ZNF143: variants seen among roughly 807,000 people sequenced by gnomAD.
The protein encoded by ZNF143 is zinc finger protein 143, also known as SPH-binding factor.
Under a neutral mutation model 74.1 loss-of-function variants are expected in ZNF143, and 49 were observed. That is an observed-to-expected ratio of 0.66 (90% CI 0.53 to 0.84). The LOEUF (loss-of-function observed/expected upper bound fraction) is 0.84, where lower values mean the gene tolerates loss of function less well. Among genes scored for constraint, ZNF143 ranks in the 40% least tolerant of loss-of-function variants. ZNF143 has a pLI of 0.00. For synonymous variants in ZNF143, 304 were observed against 282.8 expected, an observed-to-expected ratio of 1.07 and a Z score of -0.75; for missense variants, 637 against 793.4, an observed-to-expected ratio of 0.80 and a Z score of 2.37.
At chr11:9,486,445 T>TATTATATATATAATATATTA (rs374989379) in intron 7 of ZNF143, among the ~76,000 whole-genome samples, 1 of 35,468 alleles carries the variant, frequency 2.8e-5, no homozygotes, top group Non-Finnish European at 6.6e-5. Context: ...ATATAATATA[T>TATTATATATATAATATATTA]TATATATATT....
At chr11:9,476,175 T>G (rs1276447004) in intron 5 of ZNF143, among the ~76,000 whole-genome samples, 2 of 151,996 alleles carry the variant, frequency 1.3e-5, no homozygotes, top group East Asian at 1.9e-4. Flanking sequence ...TGTGTGACAT[T>G]AAGCAGATTA....
rs1589922979 is a variant in ZNF143 at position 9,504,452 on chromosome 11, G to T, written c.1147+3182G>T. Among the ~76,000 whole-genome samples the T allele has an allele frequency of 1.6e-5, 2 of 125,862 alleles. 1 individual carries two copies. Among genetic ancestry groups the T allele is most frequent in the South Asian group, 5.3e-4 (2 of 3,784 alleles). The allele number at this position is 125,862 out of a possible 152,430, so 82.6% of individuals were successfully genotyped here. On this transcript the variant is annotated intron_variant, in intron 11 of 15. Coordinates refer to ENST00000396602, the MANE Select transcript of ZNF143 (RefSeq NM_003442.6). ...GATATTTTCTTCCATTCTGTGGCTG[G>T]TTTTTTAATTCTCTTAATGATATTT...
chr11:9,464,613 A>C (rs1315879826), intron 1 of ZNF143, among the ~76,000 whole-genome samples: 2 of 151,342 alleles, frequency 1.3e-5, no homozygotes, highest in Non-Finnish European at 2.9e-5. Flanking sequence ...TCAATCAATC[A>C]ATCAATCAAT....
chr11:9,486,565 T>G (rs998316637), intron 7 of ZNF143, among the ~76,000 whole-genome samples: 5 of 137,562 alleles, frequency 3.6e-5, no homozygotes, highest in Admixed American at 2.4e-4. Flanking sequence ...TTCCTTTTTC[T>G]GTGTGTTTTA....
Position 9,527,815 on chromosome 11 carries a change from T to A in ZNF143, c.*202T>A. 1 of 502,394 alleles carries A rather than the reference T, an allele frequency of 2.0e-6. No individual in the cohort carries two copies. Among genetic ancestry groups the A allele is most frequent in the Non-Finnish European group, 3.5e-6 (1 of 283,442 alleles). The allele number at this position is 502,394 out of a possible 1,614,324, so 31.1% of individuals were successfully genotyped here. ...AATAGATTCTCAGAGTGATTCATTG[T>A]GTACAAGGAAGTATGAAATTAGGGC... On this transcript the variant is annotated 3_prime_UTR_variant, in exon 16 of 16. Transcript: ENST00000396602.
chr11:9,525,206 C>T (rs756388211), intron 14 of ZNF143, 34 bp from the exon 15 acceptor site: 1 of 1,612,772 alleles, frequency 6.2e-7, no homozygotes, highest in African/African-American at 1.3e-5. Context: ...AGGTTTAATT[C>T]TTTATGTGTA....
At chr11:9,490,923 G>A (rs1200140602) in intron 7 of ZNF143, among the ~76,000 whole-genome samples, 2 of 152,022 alleles carry the variant, frequency 1.3e-5, no homozygotes. Flanking sequence ...GCAGAGATGG[G>A]GTTCCCCCCA....
At chr11:9,522,809 A>T (rs1229729176) in intron 14 of ZNF143, among the ~76,000 whole-genome samples, 1 of 147,258 alleles carries the variant, frequency 6.8e-6, no homozygotes, top group Non-Finnish European at 1.5e-5. Context: ...GGGGTTTTTA[A>T]CAATCTTTCT....
At chr11:9,514,122 T>C (rs1848645067) in intron 13 of ZNF143, among the ~76,000 whole-genome samples, 1 of 152,144 alleles carries the variant, frequency 6.6e-6, no homozygotes, top group Non-Finnish European at 1.5e-5. Context: ...GGTCTTGAAC[T>C]CCTGGCCTCA....
chr11:9,485,417 G>A (rs1274029795), intron 7 of ZNF143, among the ~76,000 whole-genome samples: 1 of 129,956 alleles, frequency 7.7e-6, no homozygotes, highest in Admixed American at 9.1e-5. Flanking sequence ...GCACAATCTT[G>A]GCTCATTGCA....
chr11:9,508,929 T>G (rs777171490), intron 12 of ZNF143, 83 bp downstream of exon 12: 4 of 1,386,478 alleles, frequency 2.9e-6, no homozygotes, highest in Non-Finnish European at 4.0e-6. Flanking sequence ...TAGCATTTTC[T>G]GAAATCCTAA....
At chr11:9,499,359 A>T (rs1385759516) in intron 10 of ZNF143, among the ~76,000 whole-genome samples, 1 of 152,198 alleles carries the variant, frequency 6.6e-6, no homozygotes, top group Non-Finnish European at 1.5e-5. Flanking sequence ...GGTCATCTAG[A>T]TCCAAGAGAA....
intron 10 of ZNF143, among the ~76,000 whole-genome samples, chr11:9,498,075 C>A: frequency 6.6e-6 from 1 of 152,176 alleles, no homozygotes; most frequent in Non-Finnish European, 1.5e-5. Flanking sequence ...CGTGATCCGC[C>A]CGCCTCTGCC....
At position 9,474,653 on chromosome 11, in the gene ZNF143, A is replaced by G. The variant is rs1565026574; in HGVS notation, c.373+20A>G. ...CCAAAGGTAAAATAACTTTGAAAGTATGAATAAAATAAGGGAGAAGTGGGA... is the reference window on the plus strand; with the variant it reads ...CCAAAGGTAAAATAACTTTGAAAGTGTGAATAAAATAAGGGAGAAGTGGGA... On this transcript the variant is annotated intron_variant, in intron 5 of 15. Coordinates refer to ENST00000396602, the MANE Select transcript of ZNF143 (RefSeq NM_003442.6). The G allele has an allele frequency of 1.2e-6, 2 of 1,610,108 alleles. No individual in the cohort carries two copies. Among genetic ancestry groups the G allele is most frequent in the Non-Finnish European group, 8.5e-7 (1 of 1,176,388 alleles).
intron 13 of ZNF143, among the ~76,000 whole-genome samples, chr11:9,513,168 T>C (rs1185092337): frequency 1.3e-5 from 2 of 152,224 alleles, no homozygotes; most frequent in Non-Finnish European, 2.9e-5. Flanking sequence ...ATTTTTAAGC[T>C]CTAGCAAAGA....
chr11:9,494,161 C>G (rs777093956), intron 7 of ZNF143, among the ~76,000 whole-genome samples: 1 of 152,176 alleles, frequency 6.6e-6, no homozygotes, highest in African/African-American at 2.4e-5. Flanking sequence ...GAGTCACTGA[C>G]TTCAACCATG....
chr11:9,471,273 G>A (rs1472065392), intron 1 of ZNF143, 29 bp from the exon 2 acceptor site: 1 of 1,536,542 alleles, frequency 6.5e-7, no homozygotes, highest in Admixed American at 1.9e-5. Flanking sequence ...ATCATTCTTT[G>A]TTCCCAAGTG....
intron 10 of ZNF143, among the ~76,000 whole-genome samples, 153 bp downstream of exon 10, chr11:9,497,953 C>T (rs967704886): frequency 1.3e-5 from 2 of 151,654 alleles, no homozygotes; most frequent in African/African-American, 4.9e-5. Context: ...GCCTCAGCTT[C>T]CCAAGTAGCT....
In ZNF143 at chr11:9,496,183, A is replaced by G. The variant is rs904607028; in HGVS notation, c.766-120A>G. ...TCGTTTTTGTGAAGTTATCTTTTTT[A>G]TAAGAAAAAAGCATACAACAAAATC... On this transcript the variant is annotated intron_variant, in intron 8 of 15. Transcript: ENST00000396602. 3.1e-5 allele frequency: 25 copies of G among 801,292 alleles called. 1 individual carries two copies. The African/African-American group carries it at 3.6e-4, about 12-fold the overall frequency. 49.6% of individuals were successfully genotyped at this position (801,292 alleles called of 1,614,324 possible).
Sources: allele counts gnomAD v4.1 joint callset (sites outside exome capture counted in the v4.1 genomes callset), GRCh38; gene constraint gnomAD v4.1.1; transcripts MANE v1.5; gene names NCBI Gene and HGNC (gene_info 2026-07-23, HGNC 2026-07-21).